The following DLG2 variants were observed in gnomAD, a reference collection of about 807,000 sequenced individuals.
DLG2 encodes discs large MAGUK scaffold protein 2, also known as disks large homolog 2.
DLG2 carries 45 observed loss-of-function variants against 132.5 expected under a neutral mutation model. The observed-to-expected ratio is 0.34, with a 90% CI of 0.27 to 0.44. The LOEUF (loss-of-function observed/expected upper bound fraction) is 0.44, where lower values mean the gene tolerates loss of function less well. DLG2 is among the 20% of genes least tolerant of loss of function. The probability of loss-of-function intolerance (pLI) is 1.00; values close to 1 mark genes in which losing one functional copy is unlikely to be tolerated. For synonymous variants in DLG2, 424 were observed against 419.6 expected, an observed-to-expected ratio of 1.01 and a Z score of -0.13; for missense variants, 1,045 against 1,196.9, an observed-to-expected ratio of 0.87 and a Z score of 1.87.
chr11:84,883,072 A>G lies in DLG2; in HGVS notation c.357+228589T>C, dbSNP rs533985803. On this transcript the variant is annotated intron_variant, in intron 6 of 27. Transcript: ENST00000376104. The stretch of plus-strand genomic sequence containing the variant: ...TTGGAACCAACCCAAATGCCCATCA[A>G]TGATAGACTGGATAAATAAAATGTG... Among the ~76,000 whole-genome samples the G allele has an allele frequency of 2.0e-4, 31 of 152,272 alleles. 2 individuals are homozygous for G. The highest frequency in any genetic ancestry group is 7.0e-4 in the African/African-American group (29 of 41,560).
intron 3 of DLG2, among the ~76,000 whole-genome samples, chr11:85,428,815 T>C (rs1355731504): frequency 6.6e-6 from 1 of 152,070 alleles, no homozygotes; most frequent in Non-Finnish European, 1.5e-5. Context: ...CAAAAAACCC[T>C]TCAAAAAATC....
At chr11:84,983,444 G>C (rs1315959380) in intron 6 of DLG2, among the ~76,000 whole-genome samples, 1 of 151,910 alleles carries the variant, frequency 6.6e-6, no homozygotes, top group Non-Finnish European at 1.5e-5. Flanking sequence ...AAGGGGGAGA[G>C]TACTAATACA....
At chr11:84,328,646 T>TA (rs74676993) in intron 7 of DLG2, among the ~76,000 whole-genome samples, 54 of 149,514 alleles carry the variant, frequency 3.6e-4, no homozygotes, top group Admixed American at 1.1e-3. Context: ...ATCAAACGGT[T>TA]AAAAAAAAAA....
At chr11:85,372,804 A>G (rs2085091466) in intron 3 of DLG2, among the ~76,000 whole-genome samples, 1 of 151,916 alleles carries the variant, frequency 6.6e-6, no homozygotes, top group South Asian at 2.1e-4. Context: ...CAAGGATGGA[A>G]GAGGGAAAGT....
intron 7 of DLG2, among the ~76,000 whole-genome samples, chr11:84,459,057 T>A (rs539688464): frequency 5.3e-5 from 8 of 150,788 alleles, no homozygotes; most frequent in African/African-American, 1.9e-4. Context: ...ACTCCAGCAG[T>A]CCCTAAGCCT....
At chr11:83,753,883 TCA>T (rs1491102103) in intron 18 of DLG2, among the ~76,000 whole-genome samples, 2 of 79,180 alleles carry the variant, frequency 2.5e-5, no homozygotes, top group Non-Finnish European at 4.3e-5. Flanking sequence ...ATGATATATA[TCA>T]TATATATCAT....
At position 83,536,318 on chromosome 11, in the gene DLG2, T is replaced by C. The variant is rs1167084996; in HGVS notation, c.2118-3535A>G. ...GAAATCTGCTTAGTTAAATCCCTAT[T>C]TGAGTTGATCCATCTCCTCAGCACA... On this transcript the variant is annotated intron_variant, in intron 20 of 27. Transcript: ENST00000376104. Among the ~76,000 whole-genome samples the C allele has an allele frequency of 2.0e-5, 3 of 152,182 alleles. No individual in the cohort carries two copies. In the East Asian group the frequency reaches 5.8e-4, roughly 29 times the overall value.
At chr11:83,738,971 C>T (rs188764908) in intron 18 of DLG2, among the ~76,000 whole-genome samples, 5 of 149,378 alleles carry the variant, frequency 3.3e-5, no homozygotes, top group Admixed American at 3.3e-4. Context: ...ATAAGCAGAG[C>T]TCAGTTAAGT....
At chr11:85,535,573 T>C (rs1426849509) in intron 3 of DLG2, among the ~76,000 whole-genome samples, 1 of 152,160 alleles carries the variant, frequency 6.6e-6, no homozygotes, top group Non-Finnish European at 1.5e-5. Context: ...AAAAACAGTT[T>C]GGCAGTTCTC....
At position 85,111,669 on chromosome 11, in the gene DLG2, G is replaced by A. The variant is rs199938050; in HGVS notation, c.349C>T (p.His117Tyr). ...VEAPAWMPVH[H>Y]CTKYRYQDED... ...GGAATAATCAAACTTACAGTACAGT[G>A]GTGGACAGGCATCCAAGCAGGGGCT... is the stretch of plus-strand genomic sequence containing the variant. The change falls in exon 6 of 28, where the codon CAC becomes TAC. Residue 117 changes from histidine to tyrosine, a missense_variant. By Grantham distance (83) the His-to-Tyr change is moderately conservative. This residue lies in a region of DLG2 where 277 missense variants were observed against 238.2 expected (regional missense o/e 1.16). Coordinates refer to ENST00000376104, the MANE Select transcript of DLG2 (RefSeq NM_001142699.3). 6.4e-7 allele frequency: 1 copy of A among 1,561,662 alleles called. No homozygotes were observed. Among genetic ancestry groups the A allele is most frequent in the African/African-American group, 1.4e-5 (1 of 73,512 alleles).
intron 16 of DLG2, among the ~76,000 whole-genome samples, chr11:83,866,135 C>T (rs1362907406): frequency 1.3e-5 from 2 of 151,912 alleles, no homozygotes; most frequent in Non-Finnish European, 2.9e-5. Context: ...TGTGATTATT[C>T]AATTAATGTC....
intron 6 of DLG2, among the ~76,000 whole-genome samples, chr11:84,695,580 T>C (rs1236742873): frequency 6.6e-6 from 1 of 151,550 alleles, no homozygotes; most frequent in East Asian, 1.9e-4. Context: ...AAGCATGGAA[T>C]GAGATTTGAA....
chr11:84,493,091 G>A (rs770672346), intron 7 of DLG2, among the ~76,000 whole-genome samples: 9 of 152,062 alleles, frequency 5.9e-5, no homozygotes, highest in Non-Finnish European at 1.2e-4. Flanking sequence ...TTACAGTCAC[G>A]TTTCCTTTTC....
At position 85,051,889 on chromosome 11, in the gene DLG2, C is replaced by T. The variant is rs1033838972; in HGVS notation, c.357+59772G>A. 3.3e-5 allele frequency among the ~76,000 whole-genome samples: 5 copies of T among 152,118 alleles called. No homozygotes were observed. In the South Asian group the frequency reaches 8.3e-4, roughly 25 times the overall value. ...TAGTAAGTGATAATAGACCCTCAAG[C>T]CATCTGATAAGTCATGCTTTTTGAG... On this transcript the variant is annotated intron_variant, in intron 6 of 27. Transcript: ENST00000376104.
At chr11:84,367,122 C>A (rs1348964079) in intron 7 of DLG2, among the ~76,000 whole-genome samples, 1 of 152,130 alleles carries the variant, frequency 6.6e-6, no homozygotes, top group African/African-American at 2.4e-5. Flanking sequence ...ATCTCTCAGA[C>A]CACAGTGCAA....
rs544992766 is a variant in DLG2, at chr11:85,425,138, C to G, written c.41-139773G>C. Reference sequence around the variant, plus strand: ...TGTAAATTACAGAAAGCAGAATAAACTATTTCCAGGTCTTCTGATAGATGT... The same window carrying G: ...TGTAAATTACAGAAAGCAGAATAAAGTATTTCCAGGTCTTCTGATAGATGT... On this transcript the variant is annotated intron_variant, in intron 3 of 27. Coordinates refer to ENST00000376104, the MANE Select transcript of DLG2 (RefSeq NM_001142699.3). Among the ~76,000 whole-genome samples, 74 of 152,170 alleles carry G rather than the reference C, an allele frequency of 4.9e-4. 1 individual carries two copies. Among genetic ancestry groups the G allele is most frequent in the African/African-American group, 1.6e-3 (66 of 41,518 alleles).
At chr11:84,606,873 T>G (rs890841246) in intron 6 of DLG2, among the ~76,000 whole-genome samples, 2 of 152,082 alleles carry the variant, frequency 1.3e-5, no homozygotes, top group Non-Finnish European at 2.9e-5. Flanking sequence ...GTTCAATCCC[T>G]TCCCCCCTGG....
intron 7 of DLG2, among the ~76,000 whole-genome samples, chr11:84,368,887 C>G (rs940196843): frequency 2.0e-5 from 3 of 152,082 alleles, no homozygotes; most frequent in Non-Finnish European, 4.4e-5. Flanking sequence ...TAGTCTAGAA[C>G]TAGTGTCTTA....
chr11:84,132,381 T>C (rs1044224398), intron 9 of DLG2, among the ~76,000 whole-genome samples: 83 of 151,922 alleles, frequency 5.5e-4, no homozygotes, highest in African/African-American at 1.9e-3. Context: ...TGCAGATGCT[T>C]AGAAACATAC....
Sources: gnomAD v4.1 joint callset for allele counts (sites outside exome capture counted in the v4.1 genomes callset) on GRCh38, gnomAD v4.1.1 for gene constraint, gnomAD v4.1.1 regional missense constraint, MANE v1.5 for transcripts, NCBI Gene and HGNC (gene_info 2026-07-23, HGNC 2026-07-21) for gene names.